The following DNAI7 variants were observed in gnomAD, a reference collection of about 807,000 sequenced individuals.
DNAI7 encodes the protein cancer susceptibility 1.
In DNAI7, 78 loss-of-function variants were observed where a neutral mutation model predicts 86.6. The ratio of observed to expected loss-of-function variants is 0.90; its 90% confidence interval spans 0.75 to 1.09. The LOEUF (loss-of-function observed/expected upper bound fraction) is 1.09, where lower values mean the gene tolerates loss of function less well. DNAI7 is among the 50% of genes least tolerant of loss of function. The pLI, the probability that DNAI7 is intolerant of heterozygous loss-of-function variation, is 0.00. For synonymous variants in DNAI7, 274 were observed against 273.0 expected (o/e 1.00, Z -0.04); for missense variants, 753 against 810.2 (o/e 0.93, Z 0.86).
At chr12:25,185,383 T>G (rs1283840952) in intron 2 of DNAI7, among the ~76,000 whole-genome samples, 1 of 152,234 alleles carries the variant, frequency 6.6e-6, no homozygotes, top group Admixed American at 6.5e-5. Flanking sequence ...AAGATCAAAA[T>G]ATTATTTCTG....
chr12:25,107,094 G>A (rs192771660), downstream of DNAI7: 2,110 of 1,091,886 alleles, frequency 1.9e-3, 3 homozygotes, highest in Non-Finnish European at 2.5e-3. Flanking sequence ...AGTGGAATGG[G>A]AAAGGGTGAG....
At chr12:25,177,971 T>C (rs1949126064) in intron 2 of DNAI7, among the ~76,000 whole-genome samples, 1 of 152,234 alleles carries the variant, frequency 6.6e-6, no homozygotes, top group Admixed American at 6.5e-5. Flanking sequence ...CAACTCTCCC[T>C]TCCTGGGATA....
chr12:25,111,936 T>C lies in DNAI7; in HGVS notation c.1615A>G (p.Asn539Asp). 1 of 1,570,502 alleles carries C rather than the reference T, an allele frequency of 6.4e-7. No individual in the cohort carries two copies. Among genetic ancestry groups the C allele is most frequent in the Non-Finnish European group, 8.6e-7 (1 of 1,162,488 alleles). Residue 539 changes from asparagine to aspartate, a missense_variant, in exon 14 of 16, where the codon AAC becomes GAC. Physicochemically the swap from Asn to Asp is conservative, Grantham distance 23 (BLOSUM62 1). Transcript: ENST00000395987. ...FTEIQIQIKE[N>D]LCMLSSIKLK... ...TTGATTGAAGATAACATGCAGAGGT[T>C]TTCCTAGTTTAAATAAGAAAAAAGA...
chr12:25,144,248 G>C, intron 9 of DNAI7, 117 bp downstream of exon 9: 1 of 835,464 alleles, frequency 1.2e-6, no homozygotes, highest in Admixed American at 2.4e-5. Context: ...GCACTGGCAA[G>C]AAAGTGGCTC....
chr12:25,108,786 G>A lies in DNAI7; in HGVS notation c.1931C>T (p.Pro644Leu). Residue 644 changes from proline to leucine, a missense_variant, in exon 16 of 16, where the codon CCT (proline) becomes CTT (leucine). Pro to Leu is a moderately conservative substitution (Grantham distance 98). Transcript: ENST00000395987. The stretch of plus-strand genomic sequence containing the variant: ...ACTAAACATTAAAAGGGCCCAATTA[G>A]GATTCTCAGTACATGCTTCAGTAAG... ...EHLTEACTEN[P>L]NWALLMFSGD... The A allele has an allele frequency of 1.1e-6, 1 of 906,924 alleles. No individual in the cohort carries two copies. The highest frequency in any genetic ancestry group is 1.3e-5 in the South Asian group (1 of 76,300). The allele number at this position is 906,924 out of a possible 1,614,324, so 56.2% of individuals were successfully genotyped here. A position where few individuals can be genotyped will look rare whatever the true frequency, so the allele number is the denominator to read the frequency against.
chr12:25,116,585 C>T lies in DNAI7; in HGVS notation c.1397-1715G>A, dbSNP rs542249483. 8.5e-5 allele frequency among the ~76,000 whole-genome samples: 13 copies of T among 152,250 alleles called. No homozygotes were observed. In the South Asian group the frequency reaches 2.3e-3, roughly 27 times the overall value. ...TGCGATCTCAGCTCGCTACACCCTC[C>T]GCCTCCCAGGTTCAAGCAATTTTCC... is the stretch of plus-strand genomic sequence containing the variant. On this transcript the variant is annotated intron_variant, in intron 12 of 15. Transcript: ENST00000395987.
intron 10 of DNAI7, 70 bp downstream of exon 10, chr12:25,123,141 T>C (rs994369572): frequency 1.1e-5 from 11 of 1,017,936 alleles, no homozygotes; most frequent in South Asian, 1.5e-5. Context: ...TTTTTAACAA[T>C]GATCCTGTAT....
chr12:25,195,000 G>C, intron 1 of DNAI7, 76 bp downstream of exon 1: 2 of 1,614,128 alleles, frequency 1.2e-6, no homozygotes, highest in Non-Finnish European at 1.7e-6. Flanking sequence ...ACTGGCTCTT[G>C]ATTACATTAT....
intron 9 of DNAI7, among the ~76,000 whole-genome samples, chr12:25,128,075 T>C (rs549944274): frequency 1.2e-4 from 19 of 152,306 alleles, no homozygotes; most frequent in African/African-American, 3.8e-4. Context: ...GAAAAGAATA[T>C]ATGAAACTGA....
intron 2 of DNAI7, among the ~76,000 whole-genome samples, chr12:25,173,757 CAT>C (rs1189785914): frequency 6.6e-6 from 1 of 151,592 alleles, no homozygotes; most frequent in African/African-American, 2.4e-5. Flanking sequence ...TACACACACA[CAT>C]GCACACACAA....
intron 2 of DNAI7, among the ~76,000 whole-genome samples, chr12:25,183,806 T>C (rs149134603): frequency 3.4e-4 from 52 of 152,300 alleles, no homozygotes; most frequent in African/African-American, 1.3e-3. Flanking sequence ...AATAGATCCA[T>C]TTATATTCCA....
intron 15 of DNAI7, 149 bp from the exon 16 acceptor site, chr12:25,108,972 GA>G (rs1283162745): frequency 1.9e-6 from 1 of 539,366 alleles, no homozygotes; most frequent in Non-Finnish European, 3.2e-6. Context: ...ACTGGGTTTT[GA>G]AAAACCATCA....
chr12:25,157,837 A>T (rs1946368387), intron 4 of DNAI7, among the ~76,000 whole-genome samples: 1 of 143,260 alleles, frequency 7.0e-6, no homozygotes, highest in African/African-American at 2.5e-5. Flanking sequence ...AATATTTTGA[A>T]TTTTTTTTTT....
chr12:25,193,172 T>G (rs1021694132), intron 1 of DNAI7, among the ~76,000 whole-genome samples: 2 of 151,802 alleles, frequency 1.3e-5, no homozygotes, highest in Non-Finnish European at 2.9e-5. Flanking sequence ...GAAAAAAAAT[T>G]CATACGTTGA....
intron 4 of DNAI7, among the ~76,000 whole-genome samples, chr12:25,156,752 GA>G (rs1161270126): frequency 1.3e-5 from 2 of 151,450 alleles, no homozygotes; most frequent in African/African-American, 4.9e-5. Flanking sequence ...AAAAAAAAAT[GA>G]AAAAATCTTC....
chr12:25,190,621 GC>G lies in DNAI7; in HGVS notation c.13del (p.Ala5GlnfsTer17). 1 of 1,403,472 alleles carries G rather than the reference GC, an allele frequency of 7.1e-7. No homozygotes were observed. 86.9% of individuals were successfully genotyped at this position (1,403,472 alleles called of 1,614,324 possible). A position where few individuals can be genotyped will look rare whatever the true frequency, so the allele number is the denominator to read the frequency against. Reference sequence around the variant, plus strand: ...GAAAAAAATTCTACATACCTTTTTTGCTTTGGGACCCTAAAAGTTGGAAAAC... The same window carrying G: ...GAAAAAAATTCTACATACCTTTTTTGTTTGGGACCCTAAAAGTTGGAAAAC... MGPK[A>X]KKSGSKKKKV... is the part of the protein sequence containing the mutation. On this transcript the variant is annotated frameshift_variant, in exon 2 of 16. Transcript: ENST00000395987. LOFTEE classifies it high-confidence loss of function.
intron 9 of DNAI7, among the ~76,000 whole-genome samples, chr12:25,131,391 A>T (rs187150445): frequency 4.8e-4 from 73 of 152,330 alleles, no homozygotes; most frequent in Non-Finnish European, 7.6e-4. Flanking sequence ...TGTAGCTGTG[A>T]TTATATAGGA....
intron 11 of DNAI7, among the ~76,000 whole-genome samples, chr12:25,120,658 G>A (rs1020392953): frequency 6.6e-6 from 1 of 152,160 alleles, no homozygotes; most frequent in Non-Finnish European, 1.5e-5. Flanking sequence ...CCGGGAGGCG[G>A]AGCTTGCAGT....
chr12:25,193,873 G>A (rs1950768802), intron 1 of DNAI7, among the ~76,000 whole-genome samples: 1 of 150,546 alleles, frequency 6.6e-6, no homozygotes, highest in Non-Finnish European at 1.5e-5. Context: ...CCAGGCTGGA[G>A]TGCAGTGGCA....
Sources: gnomAD v4.1 joint callset for allele counts (sites outside exome capture counted in the v4.1 genomes callset) on GRCh38, gnomAD v4.1.1 for gene constraint, MANE v1.5 for transcripts, NCBI Gene and HGNC (gene_info 2026-07-23, HGNC 2026-07-21) for gene names.